Variants in CNTLN observed in about 807,000 individuals in gnomAD.
The protein encoded by CNTLN is centlein, also known as centlein, centrosomal protein.
A neutral mutation model predicts 180.0 loss-of-function variants in CNTLN; 212 were observed. The ratio of observed to expected loss-of-function variants is 1.18; its 90% confidence interval spans 1.05 to 1.32. The LOEUF is 1.32. Ranked by LOEUF, CNTLN falls within the 40% of genes most tolerant of loss-of-function variation. CNTLN has a pLI of 0.00. For synonymous variants in CNTLN, 722 were observed against 563.1 expected (o/e 1.28, Z -3.99); for missense variants, 2,095 against 1,610.9 (o/e 1.30, Z -5.14).
chr9:17,505,302 A>G (rs192453422), downstream of CNTLN, among the ~76,000 whole-genome samples: 8 of 152,252 alleles, frequency 5.3e-5, no homozygotes, highest in East Asian at 9.7e-4. Flanking sequence ...CTCTCTCAAC[A>G]TAACGTGGGA....
chr9:17,253,405 T>C (rs1355545750), intron 5 of CNTLN, among the ~76,000 whole-genome samples: 1 of 151,764 alleles, frequency 6.6e-6, no homozygotes, highest in Non-Finnish European at 1.5e-5. Context: ...GAGTGTGATA[T>C]GTTTTTCTTG....
rs1339763845 is a variant in CNTLN at position 17,466,028 on chromosome 9, T to C, written c.3579T>C (p.Asp1193=). The C allele has an allele frequency of 6.2e-7, 1 of 1,605,638 alleles. No homozygotes were observed. ...EECSNKKVSI[D]SLKQRLNVAV... is the part of the protein sequence containing the mutation. Reference sequence around the variant, plus strand: ...GTTCCAACAAGAAGGTATCAATTGATTCACTAAAGCAAAGACTTAACGTTG... The same window carrying C: ...GTTCCAACAAGAAGGTATCAATTGACTCACTAAAGCAAAGACTTAACGTTG... The change falls in exon 22 of 26, where the codon GAT becomes GAC. Residue 1193 remains aspartate, a synonymous_variant. Transcript: ENST00000380647.
chr9:17,227,251 T>C (rs1824530191), intron 3 of CNTLN, among the ~76,000 whole-genome samples: 1 of 151,850 alleles, frequency 6.6e-6, no homozygotes, highest in Non-Finnish European at 1.5e-5. Flanking sequence ...GGACAGATAT[T>C]CAAACTATAT....
At chr9:17,369,708 C>G (rs768549663) in intron 13 of CNTLN, among the ~76,000 whole-genome samples, 1 of 151,364 alleles carries the variant, frequency 6.6e-6, no homozygotes. Flanking sequence ...ATAGTCAGGG[C>G]GGGTGTGGTG....
chr9:17,224,775 C>A lies in CNTLN; in HGVS notation c.450-1428C>A, dbSNP rs756604128. Reference sequence around the variant, plus strand: ...TTAGTTATTCTTTTGTCTTTACGGACCTTTAACTTACTTATTGTAGTCTTT... The same window carrying A: ...TTAGTTATTCTTTTGTCTTTACGGAACTTTAACTTACTTATTGTAGTCTTT... On this transcript the variant is annotated intron_variant, in intron 2 of 25. Transcript: ENST00000380647. Among the ~76,000 whole-genome samples the A allele has an allele frequency of 2.0e-5, 3 of 151,888 alleles. 1 individual carries two copies. Among genetic ancestry groups the A allele is most frequent in the Non-Finnish European group, 1.5e-5 (1 of 67,912 alleles).
At chr9:17,220,379 AG>A (rs905455610) in intron 2 of CNTLN, among the ~76,000 whole-genome samples, 2 of 152,070 alleles carry the variant, frequency 1.3e-5, no homozygotes, top group Non-Finnish European at 2.9e-5. Context: ...ATTATAGAAG[AG>A]GGGATTATAA....
intron 16 of CNTLN, among the ~76,000 whole-genome samples, chr9:17,414,860 C>T (rs372539963): frequency 1.3e-5 from 2 of 152,082 alleles, no homozygotes; most frequent in Non-Finnish European, 2.9e-5. Flanking sequence ...GAGGCCGAGG[C>T]GAGTGGCTCA....
chr9:17,445,660 G>C (rs552122056), intron 18 of CNTLN, among the ~76,000 whole-genome samples: 3 of 152,244 alleles, frequency 2.0e-5, no homozygotes, highest in South Asian at 4.2e-4. Flanking sequence ...ACTGCGGAAG[G>C]CCTCAGGGAC....
At chr9:17,425,745 A>T (rs751142313) in intron 18 of CNTLN, among the ~76,000 whole-genome samples, 176 of 151,882 alleles carry the variant, frequency 1.2e-3, no homozygotes, top group Non-Finnish European at 1.8e-3. Context: ...TATTTTTTTT[A>T]AAAAAACCTT....
At chr9:17,221,995 G>A (rs1824168707) in intron 2 of CNTLN, among the ~76,000 whole-genome samples, 1 of 151,854 alleles carries the variant, frequency 6.6e-6, no homozygotes, top group African/African-American at 2.4e-5. Flanking sequence ...TACGCTTCAA[G>A]CCTCAAGGAT....
At chr9:17,331,525 C>G (rs115427799) in intron 9 of CNTLN, among the ~76,000 whole-genome samples, 1 of 151,866 alleles carries the variant, frequency 6.6e-6, no homozygotes, top group Non-Finnish European at 1.5e-5. Flanking sequence ...ATTTTTCACA[C>G]GCTTGTTACT....
chr9:17,189,466 A>C (rs147280239), intron 2 of CNTLN, among the ~76,000 whole-genome samples: 2,050 of 149,210 alleles, frequency 0.014, 49 homozygotes, highest in African/African-American at 0.048. Flanking sequence ...TAATCCCACT[A>C]TTAAGCTTTT....
chr9:17,332,253 G>C (rs1194495720), intron 9 of CNTLN, among the ~76,000 whole-genome samples: 1 of 152,052 alleles, frequency 6.6e-6, no homozygotes, highest in Non-Finnish European at 1.5e-5. Flanking sequence ...GTCCTATCAA[G>C]TGTAACCTTG....
intron 25 of CNTLN, 134 bp downstream of exon 25, chr9:17,487,200 G>C: frequency 1.5e-6 from 1 of 679,620 alleles, no homozygotes; most frequent in Non-Finnish European, 2.6e-6. Context: ...TATTCCAATA[G>C]GTAGAAAGGA....
intron 2 of CNTLN, among the ~76,000 whole-genome samples, chr9:17,161,850 T>G (rs1028728930): frequency 3.3e-5 from 5 of 152,208 alleles, no homozygotes; most frequent in African/African-American, 1.2e-4. Flanking sequence ...TCTTTGCTGC[T>G]GCAGATCCAT....
chr9:17,425,413 G>A (rs1345743254), intron 18 of CNTLN, among the ~76,000 whole-genome samples: 2 of 152,182 alleles, frequency 1.3e-5, no homozygotes, highest in South Asian at 2.1e-4. Flanking sequence ...GCGATCTGCT[G>A]CTAGAAGCTG....
intron 3 of CNTLN, among the ~76,000 whole-genome samples, chr9:17,231,312 T>C (rs1001755604): frequency 6.6e-6 from 1 of 152,138 alleles, no homozygotes; most frequent in African/African-American, 2.4e-5. Flanking sequence ...CTTACTTCTG[T>C]ATCTAGTGAA....
At chr9:17,527,944 C>T in the CNTLN span, among the ~76,000 whole-genome samples, 1 of 151,798 alleles carries the variant, frequency 6.6e-6, no homozygotes, top group African/African-American at 2.4e-5. Flanking sequence ...ATTTGATCAA[C>T]AAAATAAATA....
intron 12 of CNTLN, among the ~76,000 whole-genome samples, chr9:17,359,725 C>CAAAAAAAAAAAAAAAAAACCAAAAAAA (rs1344925686): frequency 9.4e-5 from 2 of 21,334 alleles, no homozygotes; most frequent in African/African-American, 2.5e-4. Context: ...ACTAAAAATA[C>CAAAAAAAAAAAAAAAAAACCAAAAAAA]AAAAAAAAAA....
Sources: allele counts gnomAD v4.1 joint callset (sites outside exome capture counted in the v4.1 genomes callset), GRCh38; gene constraint gnomAD v4.1.1; transcripts MANE v1.5; gene names NCBI Gene and HGNC (gene_info 2026-07-23, HGNC 2026-07-21).